CCDC73: variants seen among roughly 807,000 people sequenced by gnomAD.
The protein encoded by CCDC73 is coiled-coil domain containing 73, also known as coiled-coil domain-containing protein 73.
CCDC73 carries 95 observed loss-of-function variants against 116.5 expected under a neutral mutation model. The observed-to-expected ratio is 0.82, with a 90% CI of 0.69 to 0.97. The LOEUF is 0.97. CCDC73 is among the 50% of genes least tolerant of loss of function. The probability of loss-of-function intolerance (pLI) is 0.00; values close to 1 mark genes in which losing one functional copy is unlikely to be tolerated. For missense variants in CCDC73, 1,066 were observed against 1,206.8 expected (o/e 0.88, Z 1.73); for synonymous variants, 398 against 401.3 (o/e 0.99, Z 0.10).
intron 1 of CCDC73, among the ~76,000 whole-genome samples, chr11:32,777,009 AT>A: frequency 7.0e-6 from 1 of 142,892 alleles, no homozygotes; most frequent in Non-Finnish European, 1.5e-5. Flanking sequence ...ATATATATAT[AT>A]ATATATATAT....
At chr11:32,658,386 A>T (rs915621135) in intron 9 of CCDC73, among the ~76,000 whole-genome samples, 8 of 152,250 alleles carry the variant, frequency 5.3e-5, no homozygotes, top group Non-Finnish European at 1.2e-4. Flanking sequence ...CAAAACCAAA[A>T]GGCAGAAAGA....
At chr11:32,658,894 T>C (rs1027974014) in intron 9 of CCDC73, among the ~76,000 whole-genome samples, 7 of 151,938 alleles carry the variant, frequency 4.6e-5, no homozygotes, top group Non-Finnish European at 8.8e-5. Flanking sequence ...AAGGGGACCA[T>C]GAAATGCGAA....
intron 1 of CCDC73, among the ~76,000 whole-genome samples, chr11:32,765,652 G>C (rs1271090638): frequency 6.6e-6 from 1 of 152,184 alleles, no homozygotes; most frequent in Non-Finnish European, 1.5e-5. Flanking sequence ...ATGCCCACAA[G>C]AGAAAGCAGG....
At chr11:32,644,020 T>C (rs1855755487) in intron 12 of CCDC73, among the ~76,000 whole-genome samples, 1 of 152,106 alleles carries the variant, frequency 6.6e-6, no homozygotes, top group African/African-American at 2.4e-5. Flanking sequence ...TTTTAAATTT[T>C]TTGGTCAAAA....
chr11:32,616,713 T>C (rs1855477692), intron 14 of CCDC73, among the ~76,000 whole-genome samples: 1 of 152,190 alleles, frequency 6.6e-6, no homozygotes, highest in South Asian at 2.1e-4. Flanking sequence ...CCCTATATAT[T>C]GAGCACATGT....
Position 32,792,189 on chromosome 11 carries a change from G to A in CCDC73, c.-16+2424C>T, listed in dbSNP as rs570144801. On this transcript the variant is annotated intron_variant, in intron 1 of 17. Coordinates refer to ENST00000335185, the MANE Select transcript of CCDC73 (RefSeq NM_001008391.4). Reference sequence around the variant, plus strand: ...ACAGCACAAAAAAATAGGACCCCACGGTCTAGTGCAGTAAAACTGTAGACT... The same window carrying A: ...ACAGCACAAAAAAATAGGACCCCACAGTCTAGTGCAGTAAAACTGTAGACT... Among the ~76,000 whole-genome samples the A allele has an allele frequency of 5.3e-5, 8 of 151,882 alleles. No homozygotes were observed. The East Asian group carries it at 1.4e-3, about 26-fold the overall frequency.
At chr11:32,795,848 CCTGG>C (rs1850722879), upstream of CCDC73, among the ~76,000 whole-genome samples, 1 of 152,108 alleles carries the variant, frequency 6.6e-6, no homozygotes, top group East Asian at 1.9e-4. Flanking sequence ...TGCCACCACA[CCTGG>C]CTAATTTTTG....
chr11:32,751,339 C>T (rs147665729), intron 2 of CCDC73, among the ~76,000 whole-genome samples: 121 of 152,236 alleles, frequency 7.9e-4, no homozygotes, highest in African/African-American at 2.6e-3. Context: ...GGGTCGCATG[C>T]TCTCTCCAAT....
chr11:32,705,715 C>T (rs1007425489), intron 3 of CCDC73, among the ~76,000 whole-genome samples: 4 of 152,190 alleles, frequency 2.6e-5, no homozygotes, highest in South Asian at 2.1e-4. Flanking sequence ...GACACCCAAA[C>T]GATCCTGTGA....
chr11:32,720,761 A>T (rs1590612298), intron 2 of CCDC73, among the ~76,000 whole-genome samples: 1 of 152,222 alleles, frequency 6.6e-6, no homozygotes, highest in East Asian at 1.9e-4. Flanking sequence ...AATGCAACTT[A>T]TAATCACATC....
chr11:32,704,351 C>T (rs1362655174), intron 3 of CCDC73, among the ~76,000 whole-genome samples: 1 of 152,248 alleles, frequency 6.6e-6, no homozygotes, highest in Non-Finnish European at 1.5e-5. Flanking sequence ...GTGGACATGT[C>T]CTGATAGCCA....
rs1418456711 is a variant in CCDC73 at position 32,677,977 on chromosome 11, A to C, written c.430-1956T>G. Among the ~76,000 whole-genome samples, 3 of 146,144 alleles carry C rather than the reference A, an allele frequency of 2.1e-5. No individual in the cohort carries two copies. The South Asian group carries it at 6.5e-4, about 32-fold the overall frequency. On this transcript the variant is annotated intron_variant, in intron 7 of 17. Coordinates refer to ENST00000335185, the MANE Select transcript of CCDC73 (RefSeq NM_001008391.4). ...TCTCAAAAAAAAAAAAAAAAAAAAA[A>C]AACCCACAACCAAAGTACAGGCCGA...
intron 16 of CCDC73, 92 bp from the exon 17 acceptor site, chr11:32,611,357 T>A: frequency 1.8e-6 from 2 of 1,090,154 alleles, no homozygotes; most frequent in Non-Finnish European, 2.6e-6. Flanking sequence ...TGCTTTTGTA[T>A]TTAAAAAGCA....
chr11:32,609,681 A>G (rs539873252), intron 17 of CCDC73, among the ~76,000 whole-genome samples: 11 of 152,312 alleles, frequency 7.2e-5, no homozygotes, highest in African/African-American at 2.2e-4. Context: ...TCACACTGCT[A>G]ATAAAGACAT....
chr11:32,789,550 C>T (rs571088911), intron 1 of CCDC73, among the ~76,000 whole-genome samples: 9 of 152,118 alleles, frequency 5.9e-5, no homozygotes, highest in African/African-American at 9.6e-5. Context: ...GCAGGAGGAT[C>T]GCTTGAGGCC....
At chr11:32,823,872 G>T in the CCDC73 span, among the ~76,000 whole-genome samples, 1,961 of 151,864 alleles carry the variant, frequency 0.013, 40 homozygotes, top group African/African-American at 0.045. Flanking sequence ...CCCTGAAAAT[G>T]TTTTTTGTTT....
chr11:32,771,283 A>T (rs1252321235), intron 1 of CCDC73, among the ~76,000 whole-genome samples: 1 of 152,174 alleles, frequency 6.6e-6, no homozygotes, highest in African/African-American at 2.4e-5. Context: ...AACAGAGGCC[A>T]TGTTTTATGG....
intron 2 of CCDC73, among the ~76,000 whole-genome samples, chr11:32,735,464 G>A (rs997333383): frequency 2.6e-4 from 39 of 152,190 alleles, no homozygotes; most frequent in African/African-American, 9.2e-4. Flanking sequence ...TACAAGGGAT[G>A]TGAAGGAACT....
chr11:32,812,351 C>G, the CCDC73 span, among the ~76,000 whole-genome samples: 2 of 152,286 alleles, frequency 1.3e-5, no homozygotes, highest in Admixed American at 1.3e-4. Flanking sequence ...GAAACCCCAT[C>G]TCTACCAAAA....
Sources: allele counts gnomAD v4.1 joint callset (sites outside exome capture counted in the v4.1 genomes callset), GRCh38; gene constraint gnomAD v4.1.1; transcripts MANE v1.5; gene names NCBI Gene and HGNC (gene_info 2026-07-23, HGNC 2026-07-21).